Variants in SLC24A3 observed in about 807,000 individuals in gnomAD.
SLC24A3 encodes solute carrier family 24 member 3.
SLC24A3 carries 28 observed loss-of-function variants against 75.8 expected under a neutral mutation model. The observed-to-expected ratio is 0.37, with a 90% CI of 0.27 to 0.51. SLC24A3 has a LOEUF of 0.51. Ranked by LOEUF, SLC24A3 falls within the 20% of genes least tolerant of loss-of-function variation. The pLI is 0.94. For synonymous variants in SLC24A3, 372 were observed against 334.1 expected (o/e 1.11, Z -1.24); for missense variants, 663 against 847.8 (o/e 0.78, Z 2.71).
intron 6 of SLC24A3, among the ~76,000 whole-genome samples, chr20:19,648,908 G>A (rs936956023): frequency 2.0e-5 from 3 of 152,198 alleles, no homozygotes; most frequent in Non-Finnish European, 2.9e-5. Context: ...AAAGCTATAG[G>A]GGGAAAATAG....
intron 12 of SLC24A3, among the ~76,000 whole-genome samples, chr20:19,686,076 C>G (rs985862625): frequency 1.3e-5 from 2 of 152,194 alleles, no homozygotes; most frequent in African/African-American, 4.8e-5. Context: ...AGCATCAGTT[C>G]TATGGGACAG....
At chr20:19,498,126 G>A (rs1988324377) in intron 2 of SLC24A3, among the ~76,000 whole-genome samples, 1 of 152,120 alleles carries the variant, frequency 6.6e-6, no homozygotes, top group African/African-American at 2.4e-5. Context: ...AAATTCTAAT[G>A]CCTGATGATC....
At chr20:19,372,187 T>C (rs1986004432) in intron 2 of SLC24A3, among the ~76,000 whole-genome samples, 1 of 152,140 alleles carries the variant, frequency 6.6e-6, no homozygotes, top group Admixed American at 6.5e-5. Flanking sequence ...CAAGATGGAG[T>C]TGCTTTAGCT....
intron 2 of SLC24A3, among the ~76,000 whole-genome samples, chr20:19,466,938 G>A (rs539941178): frequency 6.6e-6 from 1 of 152,336 alleles, no homozygotes; most frequent in South Asian, 2.1e-4. Context: ...TGAGGAATAA[G>A]ACAGGGTCCC....
chr20:19,693,287 G>A lies in SLC24A3; in HGVS notation c.1353G>A (p.Ala451=). ...PSGKLETVKW[A]FTWPLSFVLY... ...GTAAACTGGAAACAGTGAAATGGGC[G>A]TTCACCTGGCCGCTGAGTTTCGTCT... Residue 451 remains alanine, a synonymous_variant, in exon 13 of 17, where the codon GCG becomes GCA. Coordinates refer to ENST00000328041, the MANE Select transcript of SLC24A3 (RefSeq NM_020689.4). 2 of 1,613,294 alleles carry A rather than the reference G, an allele frequency of 1.2e-6. No individual in the cohort carries two copies. The highest frequency in any genetic ancestry group is 1.7e-6 in the Non-Finnish European group (2 of 1,179,660).
At chr20:19,684,398 G>A in intron 11 of SLC24A3, 62 bp downstream of exon 11, 3 of 1,528,904 alleles carry the variant, frequency 2.0e-6, no homozygotes, top group Non-Finnish European at 1.8e-6. Flanking sequence ...GGGAAGGAGA[G>A]AAGGTTTCTT....
chr20:19,327,336 A>G (rs527803532), intron 2 of SLC24A3, among the ~76,000 whole-genome samples: 2 of 152,346 alleles, frequency 1.3e-5, no homozygotes, highest in South Asian at 4.1e-4. Flanking sequence ...TTGTCAATAA[A>G]AAAACGTTCT....
intron 2 of SLC24A3, among the ~76,000 whole-genome samples, chr20:19,290,583 A>C (rs114874875): frequency 6.6e-6 from 1 of 152,282 alleles, no homozygotes; most frequent in African/African-American, 2.4e-5. Context: ...GCCTGCTGGC[A>C]TCTTGATCTT....
chr20:19,681,205 T>G (rs1182154203), intron 9 of SLC24A3, among the ~76,000 whole-genome samples: 2 of 152,180 alleles, frequency 1.3e-5, no homozygotes, highest in African/African-American at 4.8e-5. Flanking sequence ...CACAATGTAT[T>G]CACTTGATCA....
intron 5 of SLC24A3, 70 bp from the exon 6 acceptor site, chr20:19,585,371 G>A: frequency 2.1e-6 from 3 of 1,427,030 alleles, no homozygotes; most frequent in Non-Finnish European, 2.9e-6. Flanking sequence ...GCTTATGAAA[G>A]GTTCCCCATG....
chr20:19,602,694 T>C (rs984883459), intron 6 of SLC24A3, among the ~76,000 whole-genome samples: 2 of 152,344 alleles, frequency 1.3e-5, no homozygotes, highest in South Asian at 4.1e-4. Flanking sequence ...AACTCCTTCT[T>C]CACAAGCATC....
chr20:19,293,208 T>G (rs745544580), intron 2 of SLC24A3, among the ~76,000 whole-genome samples: 7 of 152,178 alleles, frequency 4.6e-5, no homozygotes, highest in Non-Finnish European at 7.4e-5. Context: ...CTAGGCCAAT[T>G]TATTAAATTG....
chr20:19,713,309 A>AG (rs2033009486), intron 15 of SLC24A3, among the ~76,000 whole-genome samples: 1 of 152,226 alleles, frequency 6.6e-6, no homozygotes, highest in Admixed American at 6.5e-5. Flanking sequence ...CTTCCATAGC[A>AG]GCATGCTGGG....
At chr20:19,276,368 A>G (rs1162076988) in intron 1 of SLC24A3, among the ~76,000 whole-genome samples, 6 of 152,176 alleles carry the variant, frequency 3.9e-5, no homozygotes, top group Admixed American at 3.9e-4. Context: ...ATTCAGTCAC[A>G]TGTCCCTTAA....
intron 6 of SLC24A3, among the ~76,000 whole-genome samples, chr20:19,615,416 C>T (rs2182330): frequency 0.56 from 85,291 of 152,030 alleles, 27,153 homozygotes; most frequent in Non-Finnish European, 0.7. Flanking sequence ...GTACAGGAAA[C>T]ATAATGCTGG....
chr20:19,625,959 T>C (rs2031860709), intron 6 of SLC24A3, among the ~76,000 whole-genome samples: 1 of 152,170 alleles, frequency 6.6e-6, no homozygotes, highest in East Asian at 1.9e-4. Flanking sequence ...TTCTCCACCT[T>C]TATTGAATTC....
At chr20:19,275,985 C>T (rs1372912778) in intron 1 of SLC24A3, among the ~76,000 whole-genome samples, 1 of 152,190 alleles carries the variant, frequency 6.6e-6, no homozygotes, top group African/African-American at 2.4e-5. Flanking sequence ...CCAAGAATGC[C>T]ATGGACAGGG....
intron 6 of SLC24A3, among the ~76,000 whole-genome samples, chr20:19,629,153 C>A (rs986191430): frequency 6.6e-6 from 1 of 151,568 alleles, no homozygotes; most frequent in African/African-American, 2.4e-5. Context: ...ACACAGACAA[C>A]TAAATGAAAT....
At chr20:19,264,552 C>A (rs982474809) in intron 1 of SLC24A3, among the ~76,000 whole-genome samples, 3 of 151,786 alleles carry the variant, frequency 2.0e-5, no homozygotes, top group Non-Finnish European at 2.9e-5. Flanking sequence ...CGGTGAAAAC[C>A]TGTCTCTACT....
Sources: gnomAD v4.1 joint callset for allele counts (sites outside exome capture counted in the v4.1 genomes callset) on GRCh38, gnomAD v4.1.1 for gene constraint, MANE v1.5 for transcripts, NCBI Gene and HGNC (gene_info 2026-07-23, HGNC 2026-07-21) for gene names.